Variants in HOXA3 observed in about 807,000 individuals in gnomAD.
HOXA3 encodes the protein homeobox A3.
Under a neutral mutation model 30.3 loss-of-function variants are expected in HOXA3, and 8 were observed. That is an observed-to-expected ratio of 0.26 (90% CI 0.15 to 0.48). HOXA3 has a LOEUF of 0.48. Among genes scored for constraint, HOXA3 ranks in the 20% least tolerant of loss-of-function variants. The pLI is 0.99. For synonymous variants in HOXA3, 323 were observed against 273.1 expected (o/e 1.18, Z -1.80); for missense variants, 653 against 614.4 (o/e 1.06, Z -0.66).
chr7:27,111,997 C>T (rs1356739135), intron 4 of HOXA3, among the ~76,000 whole-genome samples: 3 of 152,190 alleles, frequency 2.0e-5, no homozygotes, highest in African/African-American at 7.2e-5. Flanking sequence ...TATTTACCTG[C>T]TTCAGAAATA....
Position 27,108,124 on chromosome 7 carries a change from T to A in HOXA3, c.1123A>T (p.Met375Leu). 6.2e-7 allele frequency: 1 copy of A among 1,606,310 alleles called. No individual in the cohort carries two copies. ...VFVGGSYVEP[M>L]SNSGPALFGL... is the part of the protein sequence containing the mutation. ...AAGAGGGCTGGCCCGGAGTTGCTCATGGGCTCCACATAGCTGCCCCCCACG... is the reference window on the plus strand; with the variant it reads ...AAGAGGGCTGGCCCGGAGTTGCTCAAGGGCTCCACATAGCTGCCCCCCACG... Residue 375 changes from methionine to leucine, a missense_variant, in exon 6 of 6, where the codon ATG (methionine) becomes TTG (leucine). Coordinates refer to ENST00000612286, the MANE Select transcript of HOXA3 (RefSeq NM_153631.3). This position sits in a 1 kb window ranked among gnomAD's most constrained non-coding sequence, Gnocchi z 5.0.
chr7:27,147,266 C>G, intron 1 of HOXA3: 1 of 1,532,992 alleles, frequency 6.5e-7, no homozygotes, highest in Non-Finnish European at 8.9e-7. Flanking sequence ...CTTTTCCTGC[C>G]TCCTTTCCCC....
chr7:27,125,237 G>A (rs1234960943), intron 3 of HOXA3, among the ~76,000 whole-genome samples: 1 of 152,214 alleles, frequency 6.6e-6, no homozygotes, highest in Non-Finnish European at 1.5e-5. Flanking sequence ...AAGGAACGGT[G>A]GAGGGAGGAT....
intron 4 of HOXA3, among the ~76,000 whole-genome samples, chr7:27,111,513 T>TGTGTGTGTGTGTG (rs1554336191): frequency 6.1e-5 from 9 of 148,482 alleles, no homozygotes; most frequent in South Asian, 2.2e-4. Flanking sequence ...TGTGTGTGTG[T>TGTGTGTGTGTGTG]TTAGGGTGAG....
At chr7:27,143,233 G>A (rs746793307) in intron 1 of HOXA3, 2 of 1,609,740 alleles carry the variant, frequency 1.2e-6, no homozygotes, top group Admixed American at 3.3e-5. Context: ...AGGCGCCGCT[G>A]GAGTTGCTTA....
intron 1 of HOXA3, among the ~76,000 whole-genome samples, chr7:27,148,531 C>G (rs1782865969): frequency 6.6e-6 from 1 of 152,274 alleles, no homozygotes; most frequent in East Asian, 1.9e-4. Flanking sequence ...ATTCCCTCCT[C>G]CCACATACAC....
intron 2 of HOXA3, among the ~76,000 whole-genome samples, chr7:27,136,969 TCAGAAACCAAAGGGAGGGAGCCCAC>T (rs1423541818): frequency 6.6e-6 from 1 of 152,006 alleles, no homozygotes; most frequent in Non-Finnish European, 1.5e-5. Context: ...AAACTCCTCC[TCAGAAACCAAAGGGAGGGAGCCCAC>T]AATGCTCTGC....
At chr7:27,139,473 C>A (rs1365021918) in intron 2 of HOXA3, among the ~76,000 whole-genome samples, 1 of 152,208 alleles carries the variant, frequency 6.6e-6, no homozygotes, top group Non-Finnish European at 1.5e-5. Flanking sequence ...CCCGCTCTCG[C>A]GAGCTAGCCT....
chr7:27,107,922 T>A lies in HOXA3; in HGVS notation c.1325A>T (p.His442Leu). 3 of 1,559,052 alleles carry A rather than the reference T, an allele frequency of 1.9e-6. No homozygotes were observed. The highest frequency in any genetic ancestry group is 2.6e-6 in the Non-Finnish European group (3 of 1,146,510). The change falls in exon 6 of 6, where the codon CAC becomes CTC. Residue 442 changes from histidine to leucine, a missense_variant. Physicochemically the swap from His to Leu is moderately conservative, Grantham distance 99. This residue lies in a region of HOXA3 where 330 missense variants were observed against 274.4 expected (regional missense o/e 1.20). Coordinates refer to ENST00000612286, the MANE Select transcript of HOXA3 (RefSeq NM_153631.3). ...GTAGCCCCAAGCCCACTATCACAGG[T>A]GGGTGAGCTTGGGTGCTTCCTGAAT... ...GRIQEAPKLTHL is the reference protein window; with the variant it reads ...GRIQEAPKLTLL
chr7:27,110,209 G>A lies in HOXA3; in HGVS notation c.432C>T (p.Pro144=). 1 of 1,614,172 alleles carries A rather than the reference G, an allele frequency of 6.2e-7. No homozygotes were observed. The highest frequency in any genetic ancestry group is 8.5e-7 in the Non-Finnish European group (1 of 1,180,032). Residue 144 remains proline (P), a synonymous_variant, in exon 5 of 6, where the codon CCC becomes CCT. Coordinates refer to ENST00000612286, the MANE Select transcript of HOXA3 (RefSeq NM_153631.3). Reference sequence around the variant, plus strand: ...TGGCCACTGTGGGTGAGTTGAGCAGGGGGCTCTTGGCCGCGTTGGCAGGGG... The same window carrying A: ...TGGCCACTGTGGGTGAGTTGAGCAGAGGGCTCTTGGCCGCGTTGGCAGGGG... ...NPTPANAAKS[P]LLNSPTVAKQ... is the part of the protein sequence containing the mutation.
chr7:27,112,235 C>G (rs1784418056), intron 4 of HOXA3, among the ~76,000 whole-genome samples: 1 of 152,026 alleles, frequency 6.6e-6, no homozygotes, highest in African/African-American at 2.4e-5. Context: ...AAAATTATAA[C>G]AAATTCAAAA....
At chr7:27,130,592 G>C (rs759895745) in intron 2 of HOXA3, 21 of 1,525,230 alleles carry the variant, frequency 1.4e-5, no homozygotes, top group African/African-American at 1.4e-5. Flanking sequence ...TGGGTCGGGG[G>C]CGCTGGGGGC....
chr7:27,139,772 C>G (rs1284324336), intron 2 of HOXA3, among the ~76,000 whole-genome samples: 1 of 152,224 alleles, frequency 6.6e-6, no homozygotes, highest in African/African-American at 2.4e-5. Context: ...TCCCCACACA[C>G]AGGCCCATTC....
intron 1 of HOXA3, chr7:27,150,706 T>G (rs1328963872): frequency 6.6e-6 from 1 of 152,500 alleles, no homozygotes; most frequent in Non-Finnish European, 1.5e-5. Context: ...GAAGCAGCCA[T>G]GACGTGCCAG....
intron 2 of HOXA3, among the ~76,000 whole-genome samples, chr7:27,127,732 AG>A (rs1452774164): frequency 6.6e-6 from 1 of 152,208 alleles, no homozygotes; most frequent in Non-Finnish European, 1.5e-5. Flanking sequence ...TTTTGGATCT[AG>A]ATCTCTGGAA....
intron 1 of HOXA3, chr7:27,142,860 G>T: frequency 1.8e-6 from 1 of 569,026 alleles, no homozygotes; most frequent in Non-Finnish European, 3.0e-6. Context: ...CACTATTTGT[G>T]AGCGCAGGGT....
At position 27,110,282 on chromosome 7, in the gene HOXA3, G is replaced by C. The variant is rs1205537984; in HGVS notation, c.359C>G (p.Pro120Arg). The change falls in exon 5 of 6, where the codon CCG (proline) becomes CGG (arginine). Residue 120 changes from proline (P) to arginine (R), a missense_variant. By Grantham distance (103) the Pro-to-Arg change is moderately radical. This residue lies in a region of HOXA3 where 320 missense variants were observed against 321.9 expected (regional missense o/e 0.99). Coordinates refer to ENST00000612286, the MANE Select transcript of HOXA3 (RefSeq NM_153631.3). Reference protein sequence around the residue: ...QPPAPTPAAPPPPSSASPPQN... With the variant: ...QPPAPTPAAPRPPSSASPPQN... ...AGGAGGGGAGGCAGAAGAGGGAGGC[G>C]GGGGCGCGGCAGGGGTAGGTGCAGG... 9 of 1,605,816 alleles carry C rather than the reference G, an allele frequency of 5.6e-6. No homozygotes were observed. Among genetic ancestry groups the C allele is most frequent in the Admixed American group, 5.0e-5 (3 of 59,534 alleles).
chr7:27,107,791 G>T lies in HOXA3; in HGVS notation c.*124C>A. 1.5e-6 allele frequency: 1 copy of T among 663,678 alleles called. No homozygotes were observed. The highest frequency in any genetic ancestry group is 2.4e-6 in the Non-Finnish European group (1 of 414,782). 41.1% of individuals were successfully genotyped at this position (663,678 alleles called of 1,614,324 possible). Reference sequence around the variant, plus strand: ...AAACCGGGAAACGGAGTGCGGGGCGGAGAAGAGAGAAAAGGAAGGAAGGAA... The same window carrying T: ...AAACCGGGAAACGGAGTGCGGGGCGTAGAAGAGAGAAAAGGAAGGAAGGAA... On this transcript the variant is annotated 3_prime_UTR_variant, in exon 6 of 6. Coordinates refer to ENST00000612286, the MANE Select transcript of HOXA3 (RefSeq NM_153631.3).
chr7:27,137,317 C>T (rs1785744609), intron 2 of HOXA3, among the ~76,000 whole-genome samples: 1 of 152,184 alleles, frequency 6.6e-6, no homozygotes, highest in African/African-American at 2.4e-5. Flanking sequence ...CCCTAACAAA[C>T]CACTAAGTAA....
Sources: gnomAD v4.1 joint callset for allele counts (sites outside exome capture counted in the v4.1 genomes callset) on GRCh38, gnomAD v4.1.1 for gene constraint, gnomAD v4.1.1 regional missense constraint, Gnocchi (gnomAD v3.1) non-coding constraint, MANE v1.5 for transcripts, NCBI Gene and HGNC (gene_info 2026-07-23, HGNC 2026-07-21) for gene names.